FAM3B: variants seen among roughly 807,000 people sequenced by gnomAD.
FAM3B encodes the protein FAM3 metabolism regulating signaling molecule B.
In FAM3B, 29 loss-of-function variants were observed where a neutral mutation model predicts 28.4. The observed-to-expected ratio is 1.02, with a 90% confidence interval of 0.76 to 1.39. FAM3B has a LOEUF of 1.39. FAM3B is among the 40% of genes most tolerant of loss of function. FAM3B has a pLI of 0.00. For synonymous variants in FAM3B, 91 were observed against 103.0 expected (o/e 0.88, Z 0.71); for missense variants, 266 against 293.9 (o/e 0.91, Z 0.69).
intron 3 of FAM3B, 36 bp from the exon 4 acceptor site, chr21:41,344,440 C>T: frequency 1.9e-6 from 3 of 1,603,010 alleles, no homozygotes; most frequent in African/African-American, 1.3e-5. Context: ...AGTCGCACGC[C>T]TCTTGGTACT....
At chr21:41,321,021 G>T (rs1475085957) in intron 1 of FAM3B, 2 of 152,206 alleles carry the variant, frequency 1.3e-5, no homozygotes, top group Non-Finnish European at 2.9e-5. Flanking sequence ...CTAAACAGCA[G>T]CTTGTTGCTC....
chr21:41,306,236 C>T (rs893964060), intron 1 of FAM3B, among the ~76,000 whole-genome samples: 1 of 152,202 alleles, frequency 6.6e-6, no homozygotes, highest in Non-Finnish European at 1.5e-5. Context: ...ACTGAAGTTA[C>T]ACTGAAGTCT....
intron 2 of FAM3B, among the ~76,000 whole-genome samples, chr21:41,331,017 T>A (rs1054089008): frequency 6.6e-6 from 1 of 152,248 alleles, no homozygotes; most frequent in Non-Finnish European, 1.5e-5. Flanking sequence ...ATCTCCATAC[T>A]GTTTTTCCAT....
intron 1 of FAM3B, among the ~76,000 whole-genome samples, chr21:41,307,438 G>A (rs747909633): frequency 4.6e-5 from 7 of 152,112 alleles, no homozygotes; most frequent in Non-Finnish European, 1.0e-4. Flanking sequence ...TTTTCACTGG[G>A]GTGGCACTTA....
At chr21:41,353,108 G>A (rs762766909) in intron 7 of FAM3B, among the ~76,000 whole-genome samples, 6 of 152,100 alleles carry the variant, frequency 3.9e-5, no homozygotes, top group Admixed American at 1.3e-4. Context: ...TAAAGTTAAC[G>A]TAGGAGATGC....
chr21:41,323,412 G>T (rs1205739572), intron 2 of FAM3B, among the ~76,000 whole-genome samples: 1 of 152,210 alleles, frequency 6.6e-6, no homozygotes, highest in Non-Finnish European at 1.5e-5. Context: ...GTTTCTGTCG[G>T]ACTGAAGAGC....
chr21:41,347,358 A>G (rs2089071477), intron 6 of FAM3B, among the ~76,000 whole-genome samples: 1 of 152,250 alleles, frequency 6.6e-6, no homozygotes, highest in South Asian at 2.1e-4. Flanking sequence ...ACTGTTGACC[A>G]TAATTAGGAC....
intron 3 of FAM3B, among the ~76,000 whole-genome samples, chr21:41,340,691 G>A (rs184048455): frequency 2.0e-5 from 3 of 152,144 alleles, no homozygotes; most frequent in Non-Finnish European, 4.4e-5. Context: ...TTCAATGCTA[G>A]GTTTGTTTTT....
At chr21:41,316,791 C>A, upstream of FAM3B, 4 of 1,308,766 alleles carry the variant, frequency 3.1e-6, no homozygotes, top group South Asian at 5.1e-5. Context: ...GACCGCTGCC[C>A]GCCCCTTGCC....
At chr21:41,310,356 C>T (rs1266124917) in intron 1 of FAM3B, among the ~76,000 whole-genome samples, 3 of 152,252 alleles carry the variant, frequency 2.0e-5, no homozygotes, top group East Asian at 1.9e-4. Flanking sequence ...GTGGGTTTTC[C>T]ACTCTTGGTG....
At chr21:41,304,475 C>T (rs1344679827) in intron 1 of FAM3B, among the ~76,000 whole-genome samples, 1 of 152,198 alleles carries the variant, frequency 6.6e-6, no homozygotes, top group Non-Finnish European at 1.5e-5. Context: ...GTTGCGGCTG[C>T]GCGTGCAGTC....
intron 7 of FAM3B, among the ~76,000 whole-genome samples, chr21:41,354,346 T>A (rs558520755): frequency 1.3e-5 from 2 of 152,298 alleles, no homozygotes; most frequent in Admixed American, 6.5e-5. Flanking sequence ...AGCAAAGGAA[T>A]AGAAATTGTT....
intron 2 of FAM3B, among the ~76,000 whole-genome samples, chr21:41,331,744 C>T (rs1371979843): frequency 6.6e-6 from 1 of 152,154 alleles, no homozygotes; most frequent in Non-Finnish European, 1.5e-5. Context: ...GTGAGCTTTT[C>T]ATATGTGGTC....
chr21:41,338,185 A>G (rs1411548986), intron 2 of FAM3B, among the ~76,000 whole-genome samples, 193 bp from the exon 3 acceptor site: 1 of 152,110 alleles, frequency 6.6e-6, no homozygotes, highest in Non-Finnish European at 1.5e-5. Flanking sequence ...TCACTTTAAA[A>G]TGAAATCAGA....
At chr21:41,317,247 C>T (rs1451055802) in intron 1 of FAM3B, among the ~76,000 whole-genome samples, 2 of 151,848 alleles carry the variant, frequency 1.3e-5, no homozygotes, top group East Asian at 1.9e-4. Flanking sequence ...GGCACAGCCC[C>T]GCACCCCCAC....
chr21:41,348,468 G>A (rs2089084223), intron 6 of FAM3B, 124 bp from the exon 7 acceptor site: 6 of 1,050,240 alleles, frequency 5.7e-6, no homozygotes, highest in Non-Finnish European at 8.5e-6. Flanking sequence ...ATGCACTGCA[G>A]CAGGAGATGA....
At chr21:41,341,535 A>G (rs2089007295) in intron 3 of FAM3B, among the ~76,000 whole-genome samples, 3 of 152,180 alleles carry the variant, frequency 2.0e-5, no homozygotes, top group Admixed American at 1.3e-4. Context: ...CTAAGCATGC[A>G]TTGCAAAATA....
intron 7 of FAM3B, among the ~76,000 whole-genome samples, chr21:41,352,465 G>A (rs941037296): frequency 6.6e-6 from 1 of 152,070 alleles, no homozygotes. Context: ...GGAGGGGAGG[G>A]GAGGGAAGGG....
intron 2 of FAM3B, among the ~76,000 whole-genome samples, chr21:41,333,589 C>A (rs2088926767): frequency 6.6e-6 from 1 of 152,202 alleles, no homozygotes; most frequent in South Asian, 2.1e-4. Context: ...TCTTGTACAG[C>A]CTGTGGAATC....
Sources: gnomAD v4.1 joint callset for allele counts (sites outside exome capture counted in the v4.1 genomes callset) on GRCh38, gnomAD v4.1.1 for gene constraint, MANE v1.5 for transcripts, NCBI Gene and HGNC (gene_info 2026-07-23, HGNC 2026-07-21) for gene names.